The following FAM114A1 variants were observed in gnomAD, a reference collection of about 807,000 sequenced individuals.
The protein encoded by FAM114A1 is protein NOXP20.
FAM114A1 carries 62 observed loss-of-function variants against 64.3 expected under a neutral mutation model. The observed-to-expected ratio is 0.96, with a 90% CI of 0.79 to 1.19. FAM114A1 has a LOEUF of 1.19. Ranked by LOEUF, FAM114A1 falls within the 50% of genes most tolerant of loss-of-function variation. The pLI is 0.00. For synonymous variants in FAM114A1, 254 were observed against 251.1 expected, an observed-to-expected ratio of 1.01 and a Z score of -0.11; for missense variants, 645 against 676.3, an observed-to-expected ratio of 0.95 and a Z score of 0.51.
intron 9 of FAM114A1, among the ~76,000 whole-genome samples, chr4:38,926,692 G>C (rs1720130105): frequency 6.6e-6 from 1 of 152,110 alleles, no homozygotes; most frequent in Non-Finnish European, 1.5e-5. Flanking sequence ...CTGACCTCAA[G>C]TGATCCAACC....
chr4:38,931,600 T>C lies in FAM114A1; in HGVS notation c.1311T>C (p.Thr437=), dbSNP rs1180116009. 1.9e-6 allele frequency: 3 copies of C among 1,612,774 alleles called. No individual in the cohort carries two copies. The Admixed American group carries it at 5.0e-5, about 27-fold the overall frequency. Reference sequence around the variant, plus strand: ...AAGACAAAAAGGAGGAAAAGAAAACTAAGACCATAGAGGTAAATTCATTCT... The same window carrying C: ...AAGACAAAAAGGAGGAAAAGAAAACCAAGACCATAGAGGTAAATTCATTCT... ...PQEDKKEEKK[T]KTIEEVYMSS... The change falls in exon 11 of 15, where the codon ACT becomes ACC. Residue 437 remains threonine (T), a synonymous_variant. Transcript: ENST00000358869.
In FAM114A1 at chr4:38,879,135, C is replaced by T. The variant is rs1484982904; in HGVS notation, c.348+709C>T. 2.0e-5 allele frequency among the ~76,000 whole-genome samples: 3 copies of T among 152,258 alleles called. No individual in the cohort carries two copies. In the East Asian group the frequency reaches 5.8e-4, roughly 29 times the overall value. ...TTTTCCTGGAGCTTTCACCTCCAGC[C>T]ATGTGGGGCCGGGCAGGGGTGGGAG... On this transcript the variant is annotated intron_variant, in intron 3 of 14. Transcript: ENST00000358869.
At chr4:38,915,749 G>C (rs1718988773) in intron 8 of FAM114A1, among the ~76,000 whole-genome samples, 2 of 71,212 alleles carry the variant, frequency 2.8e-5, no homozygotes, top group African/African-American at 2.6e-4. Flanking sequence ...ATAGTGGTGT[G>C]TGTGTGTGTG....
chr4:38,873,704 CG>C (rs1560282734), intron 2 of FAM114A1, among the ~76,000 whole-genome samples: 1 of 152,146 alleles, frequency 6.6e-6, no homozygotes, highest in African/African-American at 2.4e-5. Context: ...TAACAGCCCC[CG>C]AGGGTCTCTT....
chr4:38,912,497 G>C (rs1405204747), intron 7 of FAM114A1, among the ~76,000 whole-genome samples: 1 of 152,082 alleles, frequency 6.6e-6, no homozygotes, highest in Non-Finnish European at 1.5e-5. Context: ...TGATTCTCCT[G>C]CCTCCCTCCT....
chr4:38,926,894 C>G (rs1720158223), intron 9 of FAM114A1, among the ~76,000 whole-genome samples: 1 of 152,058 alleles, frequency 6.6e-6, no homozygotes, highest in South Asian at 2.1e-4. Context: ...TGCTTCACAC[C>G]CCTCTGAGAA....
rs780003514 is a variant in FAM114A1 at position 38,908,675 on chromosome 4, G to A, written c.741G>A (p.Pro247=). ...KTMNVLAESD[P]GFKRTKTLME... Reference sequence around the variant, plus strand: ...TGAATGTCCTTGCAGAAAGTGACCCGGGCTTTAAGCGGACCAAGACGCTCA... The same window carrying A: ...TGAATGTCCTTGCAGAAAGTGACCCAGGCTTTAAGCGGACCAAGACGCTCA... Residue 247 remains proline, a synonymous_variant, in exon 7 of 15, where the codon CCG becomes CCA. Coordinates refer to ENST00000358869, the MANE Select transcript of FAM114A1 (RefSeq NM_138389.4). 6.8e-6 allele frequency: 11 copies of A among 1,613,134 alleles called. No individual in the cohort carries two copies. The highest frequency in any genetic ancestry group is 5.0e-5 in the Admixed American group (3 of 59,990).
At chr4:38,937,688 TG>T (rs1463512664) in intron 13 of FAM114A1, among the ~76,000 whole-genome samples, 2 of 152,044 alleles carry the variant, frequency 1.3e-5, no homozygotes, top group African/African-American at 2.4e-5. Context: ...TGAAAGGCAC[TG>T]GGGGAAATGA....
chr4:38,914,673 A>ATTCC (rs1232398502), intron 7 of FAM114A1: 2 of 419,412 alleles, frequency 4.8e-6, no homozygotes, highest in East Asian at 7.3e-5. Flanking sequence ...TTAACAGTTT[A>ATTCC]TTCCCAGGCA....
Position 38,943,611 on chromosome 4 carries a change from T to C in FAM114A1, c.*54T>C. ...GACAGCTGGCCGCCTTGCCTCAATA[T>C]GTACCATTTAAGGGGATGTTCTCTG... On this transcript the variant is annotated 3_prime_UTR_variant, in exon 15 of 15. Coordinates refer to ENST00000358869, the MANE Select transcript of FAM114A1 (RefSeq NM_138389.4). 2.0e-6 allele frequency: 3 copies of C among 1,493,184 alleles called. No individual in the cohort carries two copies. Among genetic ancestry groups the C allele is most frequent in the South Asian group, 2.3e-5 (2 of 88,098 alleles). The allele number at this position is 1,493,184 out of a possible 1,614,324, so 92.5% of individuals were successfully genotyped here.
intron 3 of FAM114A1, among the ~76,000 whole-genome samples, chr4:38,887,220 C>T (rs116352210): frequency 0.015 from 2,213 of 152,250 alleles, 68 homozygotes; most frequent in African/African-American, 0.05. Flanking sequence ...TTAAACAATT[C>T]GTGTTCCATC....
intron 7 of FAM114A1, among the ~76,000 whole-genome samples, chr4:38,911,767 C>G (rs1302643388): frequency 2.6e-5 from 4 of 150,994 alleles, no homozygotes; most frequent in African/African-American, 9.7e-5. Flanking sequence ...CGTGCACTAC[C>G]TACATTTCTC....
intron 8 of FAM114A1, among the ~76,000 whole-genome samples, chr4:38,917,543 A>G (rs937148773): frequency 6.6e-6 from 1 of 152,252 alleles, no homozygotes; most frequent in Non-Finnish European, 1.5e-5. Flanking sequence ...TAAGCACTGA[A>G]TAATGTACAC....
At chr4:38,938,965 T>C (rs1307070415) in intron 13 of FAM114A1, among the ~76,000 whole-genome samples, 1 of 152,240 alleles carries the variant, frequency 6.6e-6, no homozygotes, top group Admixed American at 6.5e-5. Context: ...CTGCATATTG[T>C]ATTCCAGCAC....
intron 12 of FAM114A1, among the ~76,000 whole-genome samples, chr4:38,932,755 C>T (rs1378211770): frequency 1.3e-5 from 2 of 152,144 alleles, no homozygotes; most frequent in Non-Finnish European, 2.9e-5. Flanking sequence ...CCTCAGCCTC[C>T]TAAAGTGCTA....
chr4:38,942,021 C>T (rs545500538), intron 14 of FAM114A1, among the ~76,000 whole-genome samples: 2 of 152,286 alleles, frequency 1.3e-5, no homozygotes, highest in South Asian at 4.1e-4. Context: ...TCTCACATGG[C>T]TGCAGACAAG....
intron 2 of FAM114A1, among the ~76,000 whole-genome samples, chr4:38,871,524 A>AACAATGCC (rs1714080491): frequency 6.6e-6 from 1 of 152,236 alleles, no homozygotes; most frequent in Non-Finnish European, 1.5e-5. Context: ...GTCCATAAAT[A>AACAATGCC]TGTTTTAACA....
intron 3 of FAM114A1, among the ~76,000 whole-genome samples, chr4:38,880,100 A>G (rs3955033): frequency 0.24 from 24,028 of 98,770 alleles, 2,859 homozygotes; most frequent in Non-Finnish European, 0.28. Context: ...AAATAAAATA[A>G]AATAGAGTAG....
chr4:38,941,995 G>A (rs1047766057), intron 14 of FAM114A1, among the ~76,000 whole-genome samples: 2 of 152,150 alleles, frequency 1.3e-5, no homozygotes, highest in African/African-American at 4.8e-5. Flanking sequence ...AGTCATGGTG[G>A]TAGGTGAAAG....
Sources: gnomAD v4.1 joint callset for allele counts (sites outside exome capture counted in the v4.1 genomes callset) on GRCh38, gnomAD v4.1.1 for gene constraint, MANE v1.5 for transcripts, NCBI Gene and HGNC (gene_info 2026-07-23, HGNC 2026-07-21) for gene names.